PHF20: variants seen among roughly 807,000 people sequenced by gnomAD.
PHF20 encodes PHD finger protein 20, also known as glioma-expressed antigen 2.
PHF20 carries 23 observed loss-of-function variants against 113.5 expected under a neutral mutation model. The ratio of observed to expected loss-of-function variants is 0.20; its 90% CI spans 0.15 to 0.29. PHF20 has a LOEUF of 0.29. Ranked by LOEUF, PHF20 falls within the 10% of genes least tolerant of loss-of-function variation. The probability of loss-of-function intolerance (pLI) is 1.00; values close to 1 mark genes in which losing one functional copy is unlikely to be tolerated. For missense variants in PHF20, 943 were observed against 1,219.6 expected (o/e 0.77, Z 3.38); for synonymous variants, 434 against 457.3 (o/e 0.95, Z 0.65).
chr20:35,841,120 A>G (rs1243530249), intron 2 of PHF20, among the ~76,000 whole-genome samples: 1 of 152,012 alleles, frequency 6.6e-6, no homozygotes, highest in Non-Finnish European at 1.5e-5. Context: ...TATCCTGGGC[A>G]GATAGCTTGA....
chr20:35,847,958 G>T (rs1161696212), intron 4 of PHF20, among the ~76,000 whole-genome samples: 1 of 152,150 alleles, frequency 6.6e-6, no homozygotes, highest in Non-Finnish European at 1.5e-5. Flanking sequence ...TTGACTAATA[G>T]AGGCTCAATT....
At chr20:35,812,552 C>G (rs543343050) in intron 2 of PHF20, among the ~76,000 whole-genome samples, 1 of 152,246 alleles carries the variant, frequency 6.6e-6, no homozygotes, top group South Asian at 2.1e-4. Flanking sequence ...TAACTTGTTT[C>G]TTGTATTCTC....
chr20:35,778,573 G>A (rs2041221372), intron 1 of PHF20, among the ~76,000 whole-genome samples: 1 of 151,996 alleles, frequency 6.6e-6, no homozygotes, highest in South Asian at 2.1e-4. Context: ...AACACACAGT[G>A]AAACTCCGTC....
chr20:35,879,078 T>C (rs1474705747), intron 9 of PHF20, among the ~76,000 whole-genome samples: 1 of 152,226 alleles, frequency 6.6e-6, no homozygotes, highest in African/African-American at 2.4e-5. Context: ...CCCAGTTTGC[T>C]GCAGAATCTC....
At chr20:35,806,628 A>G (rs1182949045) in intron 2 of PHF20, among the ~76,000 whole-genome samples, 1 of 152,060 alleles carries the variant, frequency 6.6e-6, no homozygotes, top group African/African-American at 2.4e-5. Context: ...ACTAAGCCTC[A>G]TATTTACATA....
chr20:35,943,313 T>C (rs892299894), intron 17 of PHF20, among the ~76,000 whole-genome samples: 5 of 151,796 alleles, frequency 3.3e-5, no homozygotes, highest in African/African-American at 1.2e-4. Context: ...CACTCCAGAC[T>C]GGGCAACAGA....
intron 2 of PHF20, among the ~76,000 whole-genome samples, chr20:35,808,503 A>C (rs995575369): frequency 6.6e-6 from 1 of 151,984 alleles, no homozygotes; most frequent in Non-Finnish European, 1.5e-5. Flanking sequence ...GTAATGTTGA[A>C]TTTAATGCTT....
At chr20:35,903,759 T>C (rs1318286461) in intron 10 of PHF20, among the ~76,000 whole-genome samples, 1 of 152,136 alleles carries the variant, frequency 6.6e-6, no homozygotes, top group East Asian at 1.9e-4. Flanking sequence ...CTCGGTATTA[T>C]CATATGTGGA....
At chr20:35,788,467 C>T (rs1487600469) in intron 1 of PHF20, among the ~76,000 whole-genome samples, 1 of 152,000 alleles carries the variant, frequency 6.6e-6, no homozygotes, top group Non-Finnish European at 1.5e-5. Context: ...CCTGGCCTCA[C>T]TCAAGTGATC....
At chr20:35,865,507 T>G (rs1016527312) in intron 6 of PHF20, among the ~76,000 whole-genome samples, 3 of 111,198 alleles carry the variant, frequency 2.7e-5, no homozygotes, top group African/African-American at 6.6e-5. Flanking sequence ...GTTTTTTTTT[T>G]TTTTTTTTTT....
intron 10 of PHF20, among the ~76,000 whole-genome samples, chr20:35,905,803 A>G: frequency 6.6e-6 from 1 of 152,152 alleles, no homozygotes; most frequent in African/African-American, 2.4e-5. Flanking sequence ...AGGGGAATAA[A>G]CCAATCATCT....
In PHF20 at chr20:35,862,903, G is replaced by C; in HGVS notation, c.421-110G>C. The stretch of plus-strand genomic sequence containing the variant: ...TGGTGCTTTGTATATGTGATCTGGC[G>C]TATGTCTTGTTTTAATTTCTTTGTT... On this transcript the variant is annotated intron_variant, in intron 5 of 17. Transcript: ENST00000374012. The C allele has an allele frequency of 2.8e-6, 3 of 1,055,782 alleles. No individual in the cohort carries two copies. The South Asian group carries it at 4.9e-5, about 17-fold the overall frequency. 65.4% of individuals were successfully genotyped at this position (1,055,782 alleles called of 1,614,324 possible).
intron 13 of PHF20, among the ~76,000 whole-genome samples, chr20:35,922,323 A>G (rs2055534158): frequency 6.6e-6 from 1 of 152,254 alleles, no homozygotes; most frequent in African/African-American, 2.4e-5. Flanking sequence ...ATAAGTTTAG[A>G]GGGAGCTAGC....
intron 17 of PHF20, among the ~76,000 whole-genome samples, chr20:35,943,712 C>T (rs2056034066): frequency 6.6e-6 from 1 of 152,140 alleles, no homozygotes; most frequent in South Asian, 2.1e-4. Context: ...CCTCCACCTC[C>T]TGGCTTCAAG....
intron 6 of PHF20, among the ~76,000 whole-genome samples, chr20:35,865,591 C>T (rs963843209): frequency 3.3e-5 from 5 of 149,258 alleles, no homozygotes; most frequent in Non-Finnish European, 7.4e-5. Flanking sequence ...CATTCTCCAC[C>T]TCCTAGGCTC....
Position 35,885,467 on chromosome 20 carries a change from C to CTTTTTTTTTT in PHF20, c.1282+13662_1282+13671dup, listed in dbSNP as rs577878410. 7.8e-3 allele frequency among the ~76,000 whole-genome samples: 278 copies of CTTTTTTTTTT among 35,638 alleles called. 3 individuals are homozygous for CTTTTTTTTTT. The highest frequency in any genetic ancestry group is 0.011 in the African/African-American group (105 of 9,190). 23.4% of individuals were successfully genotyped at this position (35,638 alleles called of 152,430 possible). A position where few individuals can be genotyped will look rare whatever the true frequency, so the allele number is the denominator to read the frequency against. On this transcript the variant is annotated intron_variant, in intron 9 of 17. Coordinates refer to ENST00000374012, the MANE Select transcript of PHF20 (RefSeq NM_016436.5). ...CTGGAGTGGGGGACAGGGGAATAAGCTTTTTTTTTTTTTTTTTTTTTTTTT... is the reference window on the plus strand; with the variant it reads ...CTGGAGTGGGGGACAGGGGAATAAGCTTTTTTTTTTTTTTTTTTTTTTTTTTTTTTTTTTT...
At chr20:35,872,182 T>C (rs80135270) in intron 9 of PHF20, among the ~76,000 whole-genome samples, 3 of 152,098 alleles carry the variant, frequency 2.0e-5, no homozygotes, top group Non-Finnish European at 4.4e-5. Context: ...CTTTTTTTTT[T>C]CATTACCTGG....
chr20:35,904,813 T>G (rs2147068169), intron 10 of PHF20, among the ~76,000 whole-genome samples: 1 of 47,562 alleles, frequency 2.1e-5, no homozygotes, highest in South Asian at 7.9e-4. Context: ...TTTCTTTTCT[T>G]TCTTTCTCTT....
intron 4 of PHF20, among the ~76,000 whole-genome samples, chr20:35,848,085 G>T (rs2042654834): frequency 1.3e-5 from 2 of 152,130 alleles, no homozygotes; most frequent in South Asian, 2.1e-4. Context: ...TTCCACTAGG[G>T]TGTGTGTGGT....
Sources: allele counts gnomAD v4.1 joint callset (sites outside exome capture counted in the v4.1 genomes callset), GRCh38; gene constraint gnomAD v4.1.1; transcripts MANE v1.5; gene names NCBI Gene and HGNC (gene_info 2026-07-23, HGNC 2026-07-21).